Variants in FXR1 observed in about 807,000 individuals in gnomAD.
FXR1 encodes FMR1 autosomal homolog 1, also known as RNA-binding protein FXR1.
FXR1 carries 15 observed loss-of-function variants against 84.0 expected under a neutral mutation model. That is an observed-to-expected ratio of 0.18 (90% CI 0.12 to 0.27). The LOEUF is 0.27. FXR1 is among the 10% of genes least tolerant of loss of function. FXR1 has a pLI of 1.00. For missense variants in FXR1, 480 were observed against 774.4 expected, an observed-to-expected ratio of 0.62 and a Z score of 4.51; for synonymous variants, 245 against 250.7, an observed-to-expected ratio of 0.98 and a Z score of 0.21.
intron 4 of FXR1, 96 bp downstream of exon 4, chr3:180,948,032 C>G (rs1210395081): frequency 4.2e-6 from 3 of 713,638 alleles, no homozygotes; most frequent in Non-Finnish European, 7.3e-6. Context: ...AGTTTTATTT[C>G]TAAAAGCCTA....
At chr3:180,939,771 G>A (rs1720926276) in intron 3 of FXR1, among the ~76,000 whole-genome samples, 1 of 152,120 alleles carries the variant, frequency 6.6e-6, no homozygotes, top group African/African-American at 2.4e-5. Context: ...GGTCAGTTTT[G>A]TGCCAGACTC....
At chr3:180,970,385 T>TAAATAA (rs766272710) in intron 15 of FXR1, 27 bp downstream of exon 15, 2 of 43,698 alleles carry the variant, frequency 4.6e-5, no homozygotes, top group African/African-American at 2.2e-4. Context: ...GGAAGAGAAA[T>TAAATAA]ATATATATAT....
chr3:180,924,033 A>G (rs1017291023), intron 1 of FXR1, among the ~76,000 whole-genome samples: 1 of 151,952 alleles, frequency 6.6e-6, no homozygotes, highest in Admixed American at 6.6e-5. Context: ...GTCTTGGCCC[A>G]CTGAAACCTC....
rs1210794668 is a variant in FXR1, at chr3:180,968,338, C to G, written c.1402+84C>G. The G allele has an allele frequency of 3.3e-6, 3 of 908,812 alleles. No individual in the cohort carries two copies. In the African/African-American group the frequency reaches 4.9e-5, roughly 15 times the overall value. The allele number at this position is 908,812 out of a possible 1,614,324, so 56.3% of individuals were successfully genotyped here. On this transcript the variant is annotated intron_variant, in intron 14 of 16. Coordinates refer to ENST00000357559, the MANE Select transcript of FXR1 (RefSeq NM_005087.4). The stretch of plus-strand genomic sequence containing the variant: ...AGTTAATTCATCTCCCAGGGCCACC[C>G]ATTTTTGGAAGTTTCTCTTGCTACT...
intron 13 of FXR1, 98 bp downstream of exon 13, chr3:180,963,188 C>G (rs1042892896): frequency 6.5e-6 from 4 of 617,612 alleles, no homozygotes; most frequent in Non-Finnish European, 1.1e-5. Flanking sequence ...GTTCATTACT[C>G]TGTCTTGGCT....
At chr3:180,962,773 C>T in intron 11 of FXR1, 110 bp from the exon 12 acceptor site, 1 of 708,414 alleles carries the variant, frequency 1.4e-6, no homozygotes. Context: ...TCTTTACCAT[C>T]TAATTGCCTA....
chr3:180,949,379 C>T (rs1465709325), intron 7 of FXR1, 36 bp downstream of exon 7: 1 of 983,552 alleles, frequency 1.0e-6, no homozygotes. Context: ...TTTTCTGTGT[C>T]CCATTTAGTT....
intron 1 of FXR1, among the ~76,000 whole-genome samples, chr3:180,920,517 C>CTTTTTTTTTTTTTTTTTTTTTTTTT: frequency 7.9e-6 from 1 of 127,378 alleles, no homozygotes; most frequent in Non-Finnish European, 1.7e-5. Flanking sequence ...TAGTTTTGTT[C>CTTTTTTTTTTTTTTTTTTTTTTTTT]TTTTTTTTTT....
intron 1 of FXR1, among the ~76,000 whole-genome samples, chr3:180,929,882 C>T (rs1215252411): frequency 6.6e-6 from 1 of 152,212 alleles, no homozygotes; most frequent in East Asian, 1.9e-4. Context: ...TGTTAGAAAT[C>T]GTTCACTACA....
chr3:180,959,496 CT>C, intron 10 of FXR1, among the ~76,000 whole-genome samples: 1 of 152,194 alleles, frequency 6.6e-6, no homozygotes, highest in East Asian at 1.9e-4. Context: ...AATTTTATGA[CT>C]TCAGCAAGTT....
chr3:180,939,265 G>C (rs75556565), intron 3 of FXR1, among the ~76,000 whole-genome samples: 1 of 151,970 alleles, frequency 6.6e-6, no homozygotes, highest in Non-Finnish European at 1.5e-5. Context: ...CCGGTGGGGG[G>C]GTGTGGGTGG....
chr3:180,941,703 T>A (rs1448471409), intron 3 of FXR1, among the ~76,000 whole-genome samples: 1 of 152,150 alleles, frequency 6.6e-6, no homozygotes, highest in African/African-American at 2.4e-5. Flanking sequence ...TACTTGTTTT[T>A]GTCTTGCAGA....
At chr3:180,969,424 A>G (rs984514501) in intron 14 of FXR1, among the ~76,000 whole-genome samples, 2 of 152,208 alleles carry the variant, frequency 1.3e-5, no homozygotes, top group Non-Finnish European at 2.9e-5. Context: ...TGATTGTTGG[A>G]GGTAATAAAT....
chr3:180,945,039 GCTCA>G (rs1192020099), intron 3 of FXR1, among the ~76,000 whole-genome samples: 3 of 152,198 alleles, frequency 2.0e-5, no homozygotes, highest in African/African-American at 4.8e-5. Context: ...GTAACTAACT[GCTCA>G]CTGTTATACA....
chr3:180,959,291 C>G, intron 10 of FXR1, among the ~76,000 whole-genome samples: 1 of 150,620 alleles, frequency 6.6e-6, no homozygotes, highest in East Asian at 1.9e-4. Flanking sequence ...CCTTAAAATT[C>G]CTGTTTTTTG....
At chr3:180,972,253 A>G (rs1421008377) in intron 15 of FXR1, among the ~76,000 whole-genome samples, 1 of 152,120 alleles carries the variant, frequency 6.6e-6, no homozygotes, top group African/African-American at 2.4e-5. Context: ...GCTTGAGCCC[A>G]GGAGTTTGAG....
chr3:180,918,996 G>T lies in FXR1; in HGVS notation c.51+6260G>T, dbSNP rs546967607. On this transcript the variant is annotated intron_variant, in intron 1 of 16. Coordinates refer to ENST00000357559, the MANE Select transcript of FXR1 (RefSeq NM_005087.4). ...AGAACCAATTTCTTTAACCATTATG[G>T]TGCAATATTTTTTGAAGTACAAATG... Among the ~76,000 whole-genome samples the T allele has an allele frequency of 3.0e-3, 464 of 152,200 alleles. 1 individual carries two copies. The highest frequency in any genetic ancestry group is 5.0e-3 in the Non-Finnish European group (339 of 68,004).
chr3:180,933,600 G>C (rs1720187265), intron 2 of FXR1, among the ~76,000 whole-genome samples: 2 of 152,122 alleles, frequency 1.3e-5, no homozygotes, highest in Admixed American at 6.5e-5. Context: ...GCCAGAACAT[G>C]TATGGATATG....
intron 1 of FXR1, among the ~76,000 whole-genome samples, chr3:180,925,512 A>G (rs1443929949): frequency 1.3e-5 from 2 of 152,168 alleles, no homozygotes; most frequent in African/African-American, 2.4e-5. Context: ...GGTCATTCCT[A>G]AAGTGGTTCT....
Sources: gnomAD v4.1 joint callset for allele counts (sites outside exome capture counted in the v4.1 genomes callset) on GRCh38, gnomAD v4.1.1 for gene constraint, MANE v1.5 for transcripts, NCBI Gene and HGNC (gene_info 2026-07-23, HGNC 2026-07-21) for gene names.